RPL26L1: variants seen among roughly 807,000 people sequenced by gnomAD.
RPL26L1 encodes ribosomal protein uL24-like.
Under a neutral mutation model 15.2 loss-of-function variants are expected in RPL26L1, and 8 were observed. The observed-to-expected ratio is 0.53, with a 90% CI of 0.31 to 0.95. The LOEUF is 0.95. Among genes scored for constraint, RPL26L1 ranks in the 40% least tolerant of loss-of-function variants. The pLI, the probability that RPL26L1 is intolerant of heterozygous loss-of-function variation, is 0.05. For synonymous variants in RPL26L1, 51 were observed against 65.9 expected, an observed-to-expected ratio of 0.77 and a Z score of 1.09; for missense variants, 146 against 190.9, an observed-to-expected ratio of 0.76 and a Z score of 1.39.
At chr5:172,968,659 T>G in intron 3 of RPL26L1, 60 bp downstream of exon 3, 1 of 1,606,084 alleles carries the variant, frequency 6.2e-7, no homozygotes, top group Admixed American at 1.7e-5. Context: ...TGTTCAAAGT[T>G]ATTGGTGTTT....
In RPL26L1 at chr5:172,968,604, G is replaced by T. The variant is rs774838327; in HGVS notation, c.309+5G>T. 2.0e-5 allele frequency: 33 copies of T among 1,613,734 alleles called. No individual in the cohort carries two copies. Among genetic ancestry groups the T allele is most frequent in the Non-Finnish European group, 2.7e-5 (32 of 1,179,860 alleles). ...GTGGGCATTCACCCAAGCAAGGTAT[G>T]GTCAAGGACTGAGTGGCAGTAGCAG... On this transcript the variant is annotated splice_donor_5th_base_variant and intron_variant, in intron 3 of 3. Transcript: ENST00000265100.
At chr5:172,959,172 A>C (rs1399615850), upstream of RPL26L1, 1 of 157,844 alleles carries the variant, frequency 6.3e-6, no homozygotes, top group Non-Finnish European at 1.4e-5. Context: ...CAGTGAGCCG[A>C]GCTCGCGCCA....
chr5:172,966,617 G>T lies in RPL26L1; in HGVS notation c.169-1842G>T, dbSNP rs978964794. On this transcript the variant is annotated intron_variant, in intron 2 of 3. Transcript: ENST00000265100. ...TGTCTCTTAAAAAAAGTGTGTATGTGTGTATTTCTTCAGTCTTGATGGTAT... is the reference window on the plus strand; with the variant it reads ...TGTCTCTTAAAAAAAGTGTGTATGTTTGTATTTCTTCAGTCTTGATGGTAT... Among the ~76,000 whole-genome samples, 12 of 126,518 alleles carry T rather than the reference G, an allele frequency of 9.5e-5. No individual in the cohort carries two copies. In the East Asian group the frequency reaches 1.4e-3, roughly 15 times the overall value. 83.0% of individuals were successfully genotyped at this position (126,518 alleles called of 152,430 possible). A position where few individuals can be genotyped will look rare whatever the true frequency, so the allele number is the denominator to read the frequency against.
intron 1 of RPL26L1, 154 bp from the exon 2 acceptor site, chr5:172,959,711 C>A: frequency 9.2e-7 from 1 of 1,089,278 alleles, no homozygotes; most frequent in Non-Finnish European, 1.3e-6. Context: ...GATAGTCAGA[C>A]TAGTCGCATC....
chr5:172,959,822 C>G, intron 1 of RPL26L1, 43 bp from the exon 2 acceptor site: 1 of 1,598,582 alleles, frequency 6.3e-7, no homozygotes, highest in Non-Finnish European at 8.6e-7. Context: ...CCCCTGTAAC[C>G]CACTGAGCGC....
upstream of RPL26L1, chr5:172,958,335 G>A (rs1187752075): frequency 2.2e-6 from 1 of 455,874 alleles, no homozygotes; most frequent in South Asian, 1.5e-5. Flanking sequence ...TACATGTCAG[G>A]GAACACTGAT....
chr5:172,966,691 CTG>C (rs1364786469), intron 2 of RPL26L1, among the ~76,000 whole-genome samples: 1 of 152,104 alleles, frequency 6.6e-6, no homozygotes, highest in African/African-American at 2.4e-5. Flanking sequence ...GTCATGTAGT[CTG>C]TGGTAGATTT....
chr5:172,964,758 G>T (rs1309338732), intron 2 of RPL26L1, among the ~76,000 whole-genome samples: 3 of 152,224 alleles, frequency 2.0e-5, no homozygotes, highest in Non-Finnish European at 2.9e-5. Flanking sequence ...CTCTGAGTAG[G>T]TGATGGTTCC....
At chr5:172,965,260 C>A (rs553117536) in intron 2 of RPL26L1, among the ~76,000 whole-genome samples, 1 of 152,314 alleles carries the variant, frequency 6.6e-6, no homozygotes, top group Admixed American at 6.5e-5. Context: ...CTCCATTCTT[C>A]TCTTGGAGCT....
At chr5:172,957,407 G>C (rs1755012242), upstream of RPL26L1, 2 of 378,834 alleles carry the variant, frequency 5.3e-6, no homozygotes, top group Non-Finnish European at 1.0e-5. Flanking sequence ...CTCAAGATCT[G>C]TCTTTACATG....
intron 2 of RPL26L1, among the ~76,000 whole-genome samples, chr5:172,961,870 T>C (rs148011560): frequency 4.6e-5 from 7 of 152,344 alleles, no homozygotes; most frequent in Admixed American, 4.6e-4. Context: ...GACTACCTAC[T>C]GAACATCTCT....
intron 2 of RPL26L1, among the ~76,000 whole-genome samples, chr5:172,965,797 G>C (rs1208171989): frequency 6.6e-6 from 1 of 152,026 alleles, no homozygotes; most frequent in African/African-American, 2.4e-5. Context: ...GCTCCTAATT[G>C]CCTCTCTGTG....
intron 1 of RPL26L1, 78 bp downstream of exon 1, chr5:172,959,546 CAT>C (rs900792211): frequency 7.6e-5 from 87 of 1,139,724 alleles, no homozygotes; most frequent in Non-Finnish European, 9.3e-5. Context: ...CGCGGGAACA[CAT>C]GTCACCCCAC....
Position 172,964,281 on chromosome 5 carries a change from C to CCTTTTTTTTTTTTTTTTTTTTTTTTTTT in RPL26L1, c.169-4178_169-4177insCTTTTTTTTTTTTTTTTTTTTTTTTTTT, listed in dbSNP as rs1402885653. On this transcript the variant is annotated intron_variant, in intron 2 of 3. Transcript: ENST00000265100. ...TGAGCCACAGTGTCTGGCCTGTTGC[C>CCTTTTTTTTTTTTTTTTTTTTTTTTTTT]TTTTTTTTTTTTTTTTTTTTTGAGA... is the stretch of plus-strand genomic sequence containing the variant. Among the ~76,000 whole-genome samples the CCTTTTTTTTTTTTTTTTTTTTTTTTTTT allele has an allele frequency of 1.2e-4, 12 of 99,240 alleles. 4 individuals are homozygous for CCTTTTTTTTTTTTTTTTTTTTTTTTTTT. Among genetic ancestry groups the CCTTTTTTTTTTTTTTTTTTTTTTTTTTT allele is most frequent in the African/African-American group, 1.8e-4 (5 of 27,692 alleles). 65.1% of individuals were successfully genotyped at this position (99,240 alleles called of 152,430 possible). A position where few individuals can be genotyped will look rare whatever the true frequency, so the allele number is the denominator to read the frequency against.
Position 172,966,313 on chromosome 5 carries a change from A to ATTTTTTTTTTTT in RPL26L1, c.169-2128_169-2117dup, listed in dbSNP as rs386405707. ...CGCATGCCACCATGTCTGGCTAACT[A>ATTTTTTTTTTTT]TTTTTTTTTTTTTTTTTTTTTTTTT... On this transcript the variant is annotated intron_variant, in intron 2 of 3. Transcript: ENST00000265100. Among the ~76,000 whole-genome samples, 24 of 63,662 alleles carry ATTTTTTTTTTTT rather than the reference A, an allele frequency of 3.8e-4. 3 individuals are homozygous for ATTTTTTTTTTTT. Among genetic ancestry groups the ATTTTTTTTTTTT allele is most frequent in the Non-Finnish European group, 4.6e-4 (17 of 37,014 alleles). The allele number at this position is 63,662 out of a possible 152,430, so 41.8% of individuals were successfully genotyped here. A position where few individuals can be genotyped will look rare whatever the true frequency, so the allele number is the denominator to read the frequency against.
intron 1 of RPL26L1, 176 bp downstream of exon 1, chr5:172,959,644 C>T: frequency 2.4e-6 from 3 of 1,227,786 alleles, no homozygotes; most frequent in Admixed American, 3.1e-5. Flanking sequence ...GTGCTACCCT[C>T]TCCCCCACGA....
At position 172,969,498 on chromosome 5, in the gene RPL26L1, A is replaced by G. The variant is rs1755606304; in HGVS notation, c.395A>G (p.Lys132Arg). The change falls in exon 4 of 4, where the codon AAA (lysine) becomes AGA (arginine). Residue 132 changes from lysine to arginine, a missense_variant. Coordinates refer to ENST00000265100, the MANE Select transcript of RPL26L1 (RefSeq NM_016093.4). ...KAKSRQVGKE[K>R]GKYKEELIEK... ...AAGTCTCGACAAGTTGGAAAAGAGAAAGGCAAATATAAAGAAGAACTTATT... is the reference window on the plus strand; with the variant it reads ...AAGTCTCGACAAGTTGGAAAAGAGAGAGGCAAATATAAAGAAGAACTTATT... 1 of 1,613,588 alleles carries G rather than the reference A, an allele frequency of 6.2e-7. No individual in the cohort carries two copies. Among genetic ancestry groups the G allele is most frequent in the African/African-American group, 1.3e-5 (1 of 74,930 alleles).
chr5:172,964,100 T>C (rs1394118975), intron 2 of RPL26L1, among the ~76,000 whole-genome samples: 1 of 76,536 alleles, frequency 1.3e-5, no homozygotes, highest in African/African-American at 3.1e-5. Context: ...GAGAAGGAGC[T>C]GCTGTTAAAT....
chr5:172,958,413 G>C (rs1391839890), upstream of RPL26L1: 12 of 456,136 alleles, frequency 2.6e-5, no homozygotes, highest in Non-Finnish European at 5.3e-5. Flanking sequence ...TTCCCTCTCT[G>C]AGTTTCAGCA....
Sources: allele counts gnomAD v4.1 joint callset (sites outside exome capture counted in the v4.1 genomes callset), GRCh38; gene constraint gnomAD v4.1.1; transcripts MANE v1.5; gene names NCBI Gene and HGNC (gene_info 2026-07-23, HGNC 2026-07-21).